OSBPL6: variants seen among roughly 807,000 people sequenced by gnomAD.
The protein encoded by OSBPL6 is oxysterol binding protein like 6.
Under a neutral mutation model 125.8 loss-of-function variants are expected in OSBPL6, and 49 were observed. The observed-to-expected ratio is 0.39, with a 90% CI of 0.31 to 0.49. OSBPL6 has a LOEUF of 0.49. Among genes scored for constraint, OSBPL6 ranks in the 20% least tolerant of loss-of-function variants. OSBPL6 has a pLI of 0.88. For synonymous variants in OSBPL6, 394 were observed against 391.8 expected, an observed-to-expected ratio of 1.01 and a Z score of -0.07; for missense variants, 986 against 1,135.4, an observed-to-expected ratio of 0.87 and a Z score of 1.89.
chr2:178,296,635 C>G (rs996844588), intron 2 of OSBPL6, among the ~76,000 whole-genome samples: 1 of 152,092 alleles, frequency 6.6e-6, no homozygotes, highest in Admixed American at 6.5e-5. Flanking sequence ...TTTCAAGGTC[C>G]CAGGGGAATG....
chr2:178,226,502 T>A lies in OSBPL6; in HGVS notation c.-351+31828T>A, dbSNP rs752000046. The stretch of plus-strand genomic sequence containing the variant: ...TGCACATATCCCTGTTCTATAAGGA[T>A]CTCCTTGCCCTTTGGAAGCATAAGC... On this transcript the variant is annotated intron_variant, in intron 1 of 24. Transcript: ENST00000190611. Among the ~76,000 whole-genome samples, 3 of 152,186 alleles carry A rather than the reference T, an allele frequency of 2.0e-5. No homozygotes were observed. In the South Asian group the frequency reaches 6.2e-4, roughly 32 times the overall value.
At chr2:178,270,028 A>G (rs1457430550) in intron 1 of OSBPL6, among the ~76,000 whole-genome samples, 1 of 152,172 alleles carries the variant, frequency 6.6e-6, no homozygotes, top group African/African-American at 2.4e-5. Flanking sequence ...TTGTTCAGGT[A>G]TGGGTTAGTG....
chr2:178,228,378 A>G (rs1249471934), intron 1 of OSBPL6, among the ~76,000 whole-genome samples: 3 of 152,182 alleles, frequency 2.0e-5, no homozygotes, highest in Non-Finnish European at 2.9e-5. Flanking sequence ...TACTAAAAAT[A>G]CAAAAAATGA....
At chr2:178,302,954 C>A (rs1300019092) in intron 2 of OSBPL6, among the ~76,000 whole-genome samples, 2 of 152,180 alleles carry the variant, frequency 1.3e-5, no homozygotes, top group Non-Finnish European at 2.9e-5. Flanking sequence ...AAAAGTACCT[C>A]CTTTTTGGCT....
At chr2:178,212,589 C>G (rs1468536214) in intron 1 of OSBPL6, among the ~76,000 whole-genome samples, 5 of 152,180 alleles carry the variant, frequency 3.3e-5, no homozygotes, top group Admixed American at 3.3e-4. Context: ...GACCGAATAA[C>G]TATTGCAAAC....
At chr2:178,264,729 G>A (rs2092173900) in intron 1 of OSBPL6, among the ~76,000 whole-genome samples, 1 of 152,170 alleles carries the variant, frequency 6.6e-6, no homozygotes, top group Non-Finnish European at 1.5e-5. Flanking sequence ...CAAAGGGAAT[G>A]TGAAAACTCA....
chr2:178,380,041 T>C (rs909096739), intron 15 of OSBPL6, among the ~76,000 whole-genome samples: 1 of 152,168 alleles, frequency 6.6e-6, no homozygotes, highest in Non-Finnish European at 1.5e-5. Context: ...ACAAAAGAAT[T>C]GGCATAAACA....
At chr2:178,305,411 A>G (rs1054512792) in intron 2 of OSBPL6, among the ~76,000 whole-genome samples, 5 of 152,328 alleles carry the variant, frequency 3.3e-5, no homozygotes, top group African/African-American at 9.6e-5. Context: ...TAAGTGAAGG[A>G]ACTCCATTTA....
At chr2:178,201,868 T>C (rs775351075) in intron 1 of OSBPL6, among the ~76,000 whole-genome samples, 1 of 152,244 alleles carries the variant, frequency 6.6e-6, no homozygotes, top group Non-Finnish European at 1.5e-5. Flanking sequence ...ATGACCATTC[T>C]TACATGTGCT....
At chr2:178,270,213 C>T (rs989130226) in intron 1 of OSBPL6, among the ~76,000 whole-genome samples, 1 of 152,170 alleles carries the variant, frequency 6.6e-6, no homozygotes, top group African/African-American at 2.4e-5. Context: ...TTCAATTTGG[C>T]TCCCTTATCA....
At chr2:178,345,002 A>G (rs1222575881) in intron 11 of OSBPL6, among the ~76,000 whole-genome samples, 1 of 152,124 alleles carries the variant, frequency 6.6e-6, no homozygotes, top group Non-Finnish European at 1.5e-5. Flanking sequence ...TTTCTGAGAG[A>G]AAATAGAATG....
chr2:178,229,537 T>C (rs112026415), intron 1 of OSBPL6, among the ~76,000 whole-genome samples: 13 of 152,218 alleles, frequency 8.5e-5, no homozygotes, highest in African/African-American at 3.1e-4. Context: ...TTGTTAGAAA[T>C]GCAAACTGTG....
At chr2:178,273,348 G>A (rs558078574) in intron 1 of OSBPL6, among the ~76,000 whole-genome samples, 27 of 152,202 alleles carry the variant, frequency 1.8e-4, no homozygotes, top group African/African-American at 5.8e-4. Flanking sequence ...CAACACTTTG[G>A]GAGGCCAAGG....
chr2:178,256,693 C>T (rs2154008588), intron 1 of OSBPL6, among the ~76,000 whole-genome samples: 1 of 152,256 alleles, frequency 6.6e-6, no homozygotes, highest in South Asian at 2.1e-4. Context: ...CACTTACACA[C>T]ATTTATTTTT....
chr2:178,337,949 C>CTCTTTTTTTTTTTTTT (rs1689839022), intron 9 of OSBPL6, among the ~76,000 whole-genome samples: 1 of 139,150 alleles, frequency 7.2e-6, no homozygotes, highest in African/African-American at 2.7e-5. Flanking sequence ...TCAGTATTCT[C>CTCTTTTTTTTTTTTTT]TTTTTTTTTT....
intron 3 of OSBPL6, among the ~76,000 whole-genome samples, chr2:178,310,830 C>T (rs974333986): frequency 6.6e-6 from 1 of 152,182 alleles, no homozygotes; most frequent in African/African-American, 2.4e-5. Context: ...ATCCAGGAAT[C>T]ATCCTTTTGG....
rs760962929 is a variant in OSBPL6 at position 178,306,249 on chromosome 2, C to T, written c.65C>T (p.Ala22Val). The change falls in exon 3 of 25, where the codon GCC becomes GTC. Residue 22 changes from alanine to valine, a missense_variant. Around this residue, in one of 3 missense-constraint regions of OSBPL6, gnomAD observed 130 missense variants for 106.4 expected, o/e 1.22. Coordinates refer to ENST00000190611, the MANE Select transcript of OSBPL6 (RefSeq NM_032523.4). ...ACATCCACTCCAACCCATAGAAGTGCCTCCTCTTCAACATCCTCCCAAAGG... is the reference window on the plus strand; with the variant it reads ...ACATCCACTCCAACCCATAGAAGTGTCTCCTCTTCAACATCCTCCCAAAGG... ...HKTSTPTHRS[A>V]SSSTSSQRDS... 1 of 1,613,714 alleles carries T rather than the reference C, an allele frequency of 6.2e-7. No individual in the cohort carries two copies. Among genetic ancestry groups the T allele is most frequent in the South Asian group, 1.1e-5 (1 of 91,060 alleles).
intron 2 of OSBPL6, among the ~76,000 whole-genome samples, chr2:178,294,840 T>C (rs1685598442): frequency 6.6e-6 from 1 of 150,602 alleles, no homozygotes; most frequent in African/African-American, 2.4e-5. Context: ...ATTGAGCTAA[T>C]TAACATGTGC....
intron 1 of OSBPL6, among the ~76,000 whole-genome samples, chr2:178,269,652 T>C (rs1248575386): frequency 6.6e-6 from 1 of 152,202 alleles, no homozygotes; most frequent in Non-Finnish European, 1.5e-5. Context: ...TACTCATATT[T>C]CCAGACTCCA....
Sources: gnomAD v4.1 joint callset for allele counts (sites outside exome capture counted in the v4.1 genomes callset) on GRCh38, gnomAD v4.1.1 for gene constraint, gnomAD v4.1.1 regional missense constraint, MANE v1.5 for transcripts, NCBI Gene and HGNC (gene_info 2026-07-23, HGNC 2026-07-21) for gene names.